The following DPH6 variants were observed in gnomAD, a reference collection of about 807,000 sequenced individuals.
The protein encoded by DPH6 is diphthamine biosynthesis 6.
In DPH6, 33 loss-of-function variants were observed where a neutral mutation model predicts 38.2. That is an observed-to-expected ratio of 0.86 (90% confidence interval 0.65 to 1.15). DPH6 has a LOEUF of 1.15. Ranked by LOEUF, DPH6 falls within the 50% of genes most tolerant of loss-of-function variation. DPH6 has a pLI of 0.00. For synonymous variants in DPH6, 108 were observed against 103.0 expected (o/e 1.05, Z -0.30); for missense variants, 325 against 320.0 (o/e 1.02, Z -0.12).
At chr15:35,479,674 G>A (rs2054303338) in intron 3 of DPH6, among the ~76,000 whole-genome samples, 1 of 151,974 alleles carries the variant, frequency 6.6e-6, no homozygotes, top group African/African-American at 2.4e-5. Flanking sequence ...AGGGCTTTCT[G>A]GTCTCCTCTC....
At chr15:35,509,089 T>C (rs2054733643) in intron 3 of DPH6, among the ~76,000 whole-genome samples, 1 of 152,196 alleles carries the variant, frequency 6.6e-6, no homozygotes, top group African/African-American at 2.4e-5. Context: ...TAACACATAG[T>C]ATTTGTGCCT....
chr15:35,283,300 C>A (rs1423575496), intron 3 of DPH6, among the ~76,000 whole-genome samples: 1 of 150,436 alleles, frequency 6.6e-6, no homozygotes, highest in Admixed American at 6.7e-5. Flanking sequence ...CCTCCTCCTC[C>A]TCCTCTTATT....
intron 5 of DPH6, among the ~76,000 whole-genome samples, chr15:35,419,515 A>C (rs980313459): frequency 1.3e-5 from 2 of 152,144 alleles, no homozygotes; most frequent in African/African-American, 2.4e-5. Context: ...AGAATGGATG[A>C]AAAAGTGAGC....
At chr15:35,414,527 T>C (rs576321149) in intron 5 of DPH6, among the ~76,000 whole-genome samples, 2 of 151,840 alleles carry the variant, frequency 1.3e-5, no homozygotes, top group Non-Finnish European at 2.9e-5. Context: ...ATCCAAAAAC[T>C]CATGTCTTTC....
chr15:35,450,360 C>A (rs1305794190), intron 5 of DPH6, among the ~76,000 whole-genome samples: 1 of 151,146 alleles, frequency 6.6e-6, no homozygotes, highest in Non-Finnish European at 1.5e-5. Context: ...CCTTGTATTT[C>A]CTGTTTCCTA....
intron 3 of DPH6, among the ~76,000 whole-genome samples, chr15:35,357,687 T>C (rs2052576715): frequency 6.6e-6 from 1 of 152,214 alleles, no homozygotes; most frequent in East Asian, 1.9e-4. Flanking sequence ...ACTGTTTTGT[T>C]TGAGGAGACC....
chr15:35,518,121 A>C (rs539412736), intron 3 of DPH6, among the ~76,000 whole-genome samples: 1 of 152,148 alleles, frequency 6.6e-6, no homozygotes, highest in African/African-American at 2.4e-5. Context: ...ACATTAACTG[A>C]ACATCTTTTA....
intron 5 of DPH6, among the ~76,000 whole-genome samples, chr15:35,417,758 A>G (rs1028977946): frequency 1.3e-5 from 2 of 152,060 alleles, no homozygotes; most frequent in Admixed American, 6.6e-5. Flanking sequence ...TCCATTTTCA[A>G]TTTCTAAGCA....
chr15:35,467,335 C>A (rs967804916), intron 3 of DPH6, among the ~76,000 whole-genome samples: 23 of 152,250 alleles, frequency 1.5e-4, no homozygotes, highest in Non-Finnish European at 2.8e-4. Flanking sequence ...GAGGCCAAGG[C>A]AGGCAGATCA....
At chr15:35,500,494 C>G (rs546548373) in intron 3 of DPH6, among the ~76,000 whole-genome samples, 37 of 152,148 alleles carry the variant, frequency 2.4e-4, no homozygotes, top group Non-Finnish European at 4.4e-4. Context: ...TACATTGACT[C>G]AAGAATCCTT....
chr15:35,228,428 TTTTTG>T (rs1189126279), intron 3 of DPH6, among the ~76,000 whole-genome samples: 10 of 152,044 alleles, frequency 6.6e-5, no homozygotes, highest in Non-Finnish European at 1.3e-4. Context: ...AGTGAGGTGG[TTTTTG>T]TTTTGTTTTG....
At chr15:35,235,516 C>T (rs1309579714) in intron 3 of DPH6, among the ~76,000 whole-genome samples, 1 of 152,224 alleles carries the variant, frequency 6.6e-6, no homozygotes, top group Non-Finnish European at 1.5e-5. Flanking sequence ...CTCTGAATTT[C>T]ACTAGTGGAT....
chr15:35,420,568 G>A (rs1475794063), intron 5 of DPH6, among the ~76,000 whole-genome samples: 1 of 152,128 alleles, frequency 6.6e-6, no homozygotes, highest in African/African-American at 2.4e-5. Flanking sequence ...CCGGGCTGGA[G>A]TGCAGTGGCA....
intron 3 of DPH6, among the ~76,000 whole-genome samples, chr15:35,316,043 G>A (rs1386850309): frequency 6.6e-6 from 1 of 152,066 alleles, no homozygotes; most frequent in African/African-American, 2.4e-5. Flanking sequence ...AGGAAGGGTA[G>A]GGGGAAGGGA....
At chr15:35,503,262 C>T (rs754518102) in intron 3 of DPH6, among the ~76,000 whole-genome samples, 1 of 151,798 alleles carries the variant, frequency 6.6e-6, no homozygotes, top group Non-Finnish European at 1.5e-5. Context: ...GTGATCTCAC[C>T]TACCAAACAT....
intron 3 of DPH6, among the ~76,000 whole-genome samples, chr15:35,279,387 G>A (rs960736729): frequency 3.3e-5 from 5 of 152,046 alleles, no homozygotes; most frequent in African/African-American, 1.2e-4. Context: ...TGAGATTTGA[G>A]GAACCAGGGG....
chr15:35,312,774 A>G (rs567062089), intron 3 of DPH6, among the ~76,000 whole-genome samples: 1 of 152,270 alleles, frequency 6.6e-6, no homozygotes, highest in East Asian at 1.9e-4. Context: ...CATTGGAGAG[A>G]CTGTCCTTTC....
intron 6 of DPH6, among the ~76,000 whole-genome samples, chr15:35,399,089 C>T (rs113976014): frequency 6.6e-6 from 1 of 152,062 alleles, no homozygotes; most frequent in Admixed American, 6.6e-5. Context: ...ACACAGATTA[C>T]AAGAAATCTG....
Position 35,382,341 on chromosome 15 carries a change from C to T in DPH6, c.568-425G>A, listed in dbSNP as rs556905055. Among the ~76,000 whole-genome samples, 11 of 152,200 alleles carry T rather than the reference C, an allele frequency of 7.2e-5. No individual in the cohort carries two copies. In the South Asian group the frequency reaches 1.0e-3, roughly 14 times the overall value. ...GTCCCAGCTACTCGGGAGGCCGAGG[C>T]GGGAGAATGGCGTAAACCCGGGAGA... On this transcript the variant is annotated intron_variant, in intron 6 of 8. Transcript: ENST00000256538.
Sources: gnomAD v4.1 joint callset for allele counts (sites outside exome capture counted in the v4.1 genomes callset) on GRCh38, gnomAD v4.1.1 for gene constraint, MANE v1.5 for transcripts, NCBI Gene and HGNC (gene_info 2026-07-23, HGNC 2026-07-21) for gene names.